The following SERPINA6 variants were observed in gnomAD, a reference collection of about 807,000 sequenced individuals.
The protein encoded by SERPINA6 is serpin family A member 6.
SERPINA6 carries 19 observed loss-of-function variants against 26.4 expected under a neutral mutation model. The observed-to-expected ratio is 0.72, with a 90% confidence interval of 0.50 to 1.06. SERPINA6 has a LOEUF of 1.06. Among genes scored for constraint, SERPINA6 ranks in the 50% least tolerant of loss-of-function variants. The pLI is 0.00. For synonymous variants in SERPINA6, 196 were observed against 199.4 expected (o/e 0.98, Z 0.14); for missense variants, 473 against 504.0 (o/e 0.94, Z 0.59).
At chr14:94,321,116 C>G (rs942720885) in intron 1 of SERPINA6, among the ~76,000 whole-genome samples, 9 of 152,158 alleles carry the variant, frequency 5.9e-5, no homozygotes, top group Non-Finnish European at 1.2e-4. Flanking sequence ...AATAACACCT[C>G]TAGCCTTACC....
At chr14:94,308,118 CT>C (rs924289276) in intron 3 of SERPINA6, among the ~76,000 whole-genome samples, 78 of 152,338 alleles carry the variant, frequency 5.1e-4, no homozygotes, top group African/African-American at 1.9e-3. Flanking sequence ...CTGGAGGCCA[CT>C]TCCCCCTGGC....
At chr14:94,304,708 C>T (rs1230761227) in intron 4 of SERPINA6, 105 bp from the exon 5 acceptor site, 8 of 984,466 alleles carry the variant, frequency 8.1e-6, no homozygotes, top group Non-Finnish European at 1.2e-5. Context: ...GAAGGTAAAT[C>T]CAGGGTCAGA....
At chr14:94,312,240 A>G (rs2139720783) in intron 2 of SERPINA6, among the ~76,000 whole-genome samples, 1 of 152,280 alleles carries the variant, frequency 6.6e-6, no homozygotes, top group Non-Finnish European at 1.5e-5. Flanking sequence ...TCTCCTATCC[A>G]CTTAGCCCCA....
chr14:94,314,854 G>A, intron 1 of SERPINA6, 187 bp from the exon 2 acceptor site: 1 of 635,460 alleles, frequency 1.6e-6, no homozygotes, highest in South Asian at 1.8e-5. Context: ...ATGAATAACA[G>A]CCGTTATGAT....
chr14:94,309,263 A>G (rs1265919535), intron 3 of SERPINA6, among the ~76,000 whole-genome samples: 1 of 152,154 alleles, frequency 6.6e-6, no homozygotes, highest in Admixed American at 6.6e-5. Flanking sequence ...AGATGCCCTG[A>G]GTAACTTAAG....
chr14:94,309,691 G>A, intron 3 of SERPINA6, 45 bp downstream of exon 3: 2 of 1,608,022 alleles, frequency 1.2e-6, no homozygotes, highest in Non-Finnish European at 1.7e-6. Flanking sequence ...CACTTTCTGG[G>A]GACACGTGCA....
intron 1 of SERPINA6, among the ~76,000 whole-genome samples, chr14:94,315,245 G>A (rs774755663): frequency 6.6e-6 from 1 of 151,508 alleles, no homozygotes; most frequent in Non-Finnish European, 1.5e-5. Context: ...ATGTTTTTGG[G>A]CACATGATGT....
At chr14:94,317,728 G>A (rs774268098) in intron 1 of SERPINA6, among the ~76,000 whole-genome samples, 4 of 152,172 alleles carry the variant, frequency 2.6e-5, no homozygotes, top group Non-Finnish European at 4.4e-5. Flanking sequence ...TCAAGACTAC[G>A]TATTTATAAA....
chr14:94,322,465 G>A (rs867439367), intron 1 of SERPINA6, among the ~76,000 whole-genome samples: 3 of 152,062 alleles, frequency 2.0e-5, no homozygotes, highest in South Asian at 2.1e-4. Flanking sequence ...AGCCGAGATC[G>A]CACCATTGCA....
At chr14:94,318,940 A>G (rs1895647802) in intron 1 of SERPINA6, among the ~76,000 whole-genome samples, 1 of 152,252 alleles carries the variant, frequency 6.6e-6, no homozygotes, top group African/African-American at 2.4e-5. Flanking sequence ...GGATATATAA[A>G]GAACTCCTAA....
intron 1 of SERPINA6, among the ~76,000 whole-genome samples, chr14:94,315,710 C>T (rs1337397763): frequency 2.6e-5 from 4 of 152,044 alleles, no homozygotes; most frequent in Non-Finnish European, 2.9e-5. Flanking sequence ...TAATATTAGA[C>T]AAAATAGATT....
chr14:94,309,072 C>G (rs190590891), intron 3 of SERPINA6, among the ~76,000 whole-genome samples: 1 of 152,246 alleles, frequency 6.6e-6, no homozygotes, highest in African/African-American at 2.4e-5. Context: ...AGTGTCAACC[C>G]TGCACCAGCC....
rs1057238657 is a variant in SERPINA6 at position 94,314,521 on chromosome 14, T to G, written c.128A>C (p.Asn43Thr). Residue 43 changes from asparagine (N) to threonine (T), a missense_variant, in exon 2 of 5, where the codon AAC becomes ACC. Coordinates refer to ENST00000341584, the MANE Select transcript of SERPINA6 (RefSeq NM_001756.4). ...SNHHRGLASA[N>T]VDFAFSLYKH... Reference sequence around the variant, plus strand: ...ATACAGGCTGAAGGCAAAGTCAACGTTGGCTGAAGCCAGGCCCCGGTGATG... The same window carrying G: ...ATACAGGCTGAAGGCAAAGTCAACGGTGGCTGAAGCCAGGCCCCGGTGATG... 5 of 1,614,208 alleles carry G rather than the reference T, an allele frequency of 3.1e-6. No individual in the cohort carries two copies. The highest frequency in any genetic ancestry group is 4.2e-6 in the Non-Finnish European group (5 of 1,180,046).
chr14:94,316,285 G>A (rs533197085), intron 1 of SERPINA6, among the ~76,000 whole-genome samples: 2 of 152,262 alleles, frequency 1.3e-5, no homozygotes, highest in East Asian at 3.9e-4. Flanking sequence ...GCCTAACATA[G>A]GGTCTATCTT....
chr14:94,304,429 T>A lies in SERPINA6; in HGVS notation c.1207A>T (p.Asn403Tyr). ...WSSLFLARVMNPV is the reference protein window; with the variant it reads ...WSSLFLARVMYPV Reference sequence around the variant, plus strand: ...GGGTGGGTGGTCTCTTACACTGGGTTCATAACCCTCGCCAGGAAAAGGCTG... The same window carrying A: ...GGGTGGGTGGTCTCTTACACTGGGTACATAACCCTCGCCAGGAAAAGGCTG... Residue 403 changes from asparagine to tyrosine, a missense_variant, in exon 5 of 5, where the codon AAC (asparagine) becomes TAC (tyrosine). Physicochemically the swap from Asn to Tyr is moderately radical, Grantham distance 143. Transcript: ENST00000341584. 1 of 1,614,114 alleles carries A rather than the reference T, an allele frequency of 6.2e-7. No homozygotes were observed. The highest frequency in any genetic ancestry group is 1.7e-5 in the Admixed American group (1 of 60,010).
At chr14:94,312,523 G>A (rs894545473) in intron 2 of SERPINA6, among the ~76,000 whole-genome samples, 2 of 152,246 alleles carry the variant, frequency 1.3e-5, no homozygotes, top group African/African-American at 4.8e-5. Context: ...GCACAGTCTC[G>A]TGGGGGAGAT....
At chr14:94,320,284 A>G (rs1895666838) in intron 1 of SERPINA6, among the ~76,000 whole-genome samples, 1 of 152,220 alleles carries the variant, frequency 6.6e-6, no homozygotes, top group African/African-American at 2.4e-5. Flanking sequence ...CTCCTCATGT[A>G]GCAAACTGTA....
In SERPINA6 at chr14:94,309,912, C is replaced by G. The variant is rs778695965; in HGVS notation, c.708G>C (p.Gln236His). 1.9e-6 allele frequency: 3 copies of G among 1,614,160 alleles called. No individual in the cohort carries two copies. The highest frequency in any genetic ancestry group is 2.5e-6 in the Non-Finnish European group (3 of 1,179,996). The change falls in exon 3 of 5, where the codon CAG (glutamine) becomes CAC (histidine). Residue 236 changes from glutamine to histidine, a missense_variant. Physicochemically the swap from Gln to His is conservative, Grantham distance 24 (BLOSUM62 0). Coordinates refer to ENST00000341584, the MANE Select transcript of SERPINA6 (RefSeq NM_001756.4). ...CATGAAGGTAACTGATGGTGCTCGACTGCAACATCATGGGCACCTTCACCA... is the reference window on the plus strand; with the variant it reads ...CATGAAGGTAACTGATGGTGCTCGAGTGCAACATCATGGGCACCTTCACCA... ...TTVVKVPMMLQSSTISYLHDS... is the reference protein window; with the variant it reads ...TTVVKVPMMLHSSTISYLHDS...
At chr14:94,309,675 G>A (rs1271154258) in intron 3 of SERPINA6, 61 bp downstream of exon 3, 31 of 1,586,734 alleles carry the variant, frequency 2.0e-5, no homozygotes, top group East Asian at 4.5e-5. Context: ...CCCTTTCCAC[G>A]TGCCCCACTT....
Sources: allele counts gnomAD v4.1 joint callset (sites outside exome capture counted in the v4.1 genomes callset), GRCh38; gene constraint gnomAD v4.1.1; transcripts MANE v1.5; gene names NCBI Gene and HGNC (gene_info 2026-07-23, HGNC 2026-07-21).